Variants in KCTD16 observed in about 807,000 individuals in gnomAD.
KCTD16 encodes potassium channel tetramerization domain containing 16.
A neutral mutation model predicts 33.2 loss-of-function variants in KCTD16; 13 were observed. That is an observed-to-expected ratio of 0.39 (90% CI 0.25 to 0.62). KCTD16 has a LOEUF of 0.62. KCTD16 is among the 20% of genes least tolerant of loss of function. KCTD16 has a pLI of 0.50. For synonymous variants in KCTD16, 197 were observed against 195.3 expected (o/e 1.01, Z -0.07); for missense variants, 441 against 525.1 (o/e 0.84, Z 1.57).
At chr5:144,292,569 G>A (rs1379548282) in intron 3 of KCTD16, among the ~76,000 whole-genome samples, 1 of 152,106 alleles carries the variant, frequency 6.6e-6, no homozygotes, top group Non-Finnish European at 1.5e-5. Flanking sequence ...TGTTCAATAT[G>A]GATTACACCA....
At chr5:144,439,601 A>G (rs1004358828) in intron 3 of KCTD16, 1 of 196,110 alleles carries the variant, frequency 5.1e-6, no homozygotes, top group African/African-American at 2.4e-5. Context: ...GATGTTCAAC[A>G]CGCTTTTTGA....
At chr5:144,175,985 T>G (rs915579242) in intron 2 of KCTD16, among the ~76,000 whole-genome samples, 1 of 152,210 alleles carries the variant, frequency 6.6e-6, no homozygotes, top group Non-Finnish European at 1.5e-5. Flanking sequence ...CTGTATTATA[T>G]TATAATTTGC....
intron 3 of KCTD16, among the ~76,000 whole-genome samples, chr5:144,375,098 G>A (rs1382171468): frequency 6.6e-6 from 1 of 152,200 alleles, no homozygotes; most frequent in African/African-American, 2.4e-5. Flanking sequence ...AACGAGCCAT[G>A]GTCTGCATAG....
At chr5:144,249,034 G>C (rs906901946) in intron 3 of KCTD16, among the ~76,000 whole-genome samples, 1 of 152,054 alleles carries the variant, frequency 6.6e-6, no homozygotes, top group African/African-American at 2.4e-5. Flanking sequence ...GCTATCCAAT[G>C]GCTTCCCTCT....
chr5:144,392,280 G>C (rs1482566750), intron 3 of KCTD16, among the ~76,000 whole-genome samples: 1 of 152,286 alleles, frequency 6.6e-6, no homozygotes, highest in Non-Finnish European at 1.5e-5. Flanking sequence ...GGCCAATGTG[G>C]CTATGAGTGA....
chr5:144,219,678 G>A (rs533250483), intron 3 of KCTD16, among the ~76,000 whole-genome samples: 1 of 151,846 alleles, frequency 6.6e-6, no homozygotes, highest in Non-Finnish European at 1.5e-5. Flanking sequence ...CCAACACTGC[G>A]CCTGGCTAAT....
intron 3 of KCTD16, among the ~76,000 whole-genome samples, chr5:144,300,376 C>T (rs908583155): frequency 2.0e-4 from 30 of 152,276 alleles, no homozygotes; most frequent in Non-Finnish European, 3.2e-4. Flanking sequence ...TGCAATCTGT[C>T]CTGAATGCTG....
chr5:144,366,263 C>G (rs1751830189), intron 3 of KCTD16, among the ~76,000 whole-genome samples: 1 of 152,076 alleles, frequency 6.6e-6, no homozygotes, highest in African/African-American at 2.4e-5. Flanking sequence ...AAAGATATGC[C>G]TGCTAGAAAT....
intron 3 of KCTD16, among the ~76,000 whole-genome samples, chr5:144,356,639 T>G (rs1751578295): frequency 6.6e-6 from 1 of 152,176 alleles, no homozygotes; most frequent in African/African-American, 2.4e-5. Flanking sequence ...CTAATGGTGA[T>G]TCATTTAGCT....
chr5:144,412,593 T>G (rs1752956587), intron 3 of KCTD16, among the ~76,000 whole-genome samples: 2 of 152,028 alleles, frequency 1.3e-5, no homozygotes, highest in Non-Finnish European at 2.9e-5. Flanking sequence ...AGAAGATCGA[T>G]CTAATGTTTC....
intron 3 of KCTD16, among the ~76,000 whole-genome samples, chr5:144,321,608 T>C (rs977051135): frequency 6.6e-6 from 1 of 152,228 alleles, no homozygotes; most frequent in African/African-American, 2.4e-5. Flanking sequence ...TGTGTAGTTA[T>C]GTAACTTAAT....
In KCTD16 at chr5:144,477,366, G is replaced by A. The variant is rs1754617374; in HGVS notation, c.*3252G>A. 6.6e-6 allele frequency: 1 copy of A among 152,094 alleles called. No homozygotes were observed. Among genetic ancestry groups the A allele is most frequent in the African/African-American group, 2.4e-5 (1 of 41,420 alleles). The allele number at this position is 152,094 out of a possible 1,614,324, so 9.4% of individuals were successfully genotyped here. ...TGCATGGTGAATTAAAATAAAAGGGGGAACAATGCACAAATAATAAGCGTT... is the reference window on the plus strand; with the variant it reads ...TGCATGGTGAATTAAAATAAAAGGGAGAACAATGCACAAATAATAAGCGTT... On this transcript the variant is annotated 3_prime_UTR_variant, in exon 4 of 4. Transcript: ENST00000512467.
intron 2 of KCTD16, among the ~76,000 whole-genome samples, chr5:144,204,560 G>A (rs1753117126): frequency 6.6e-6 from 1 of 152,164 alleles, no homozygotes; most frequent in African/African-American, 2.4e-5. Context: ...CTCTTGGGAT[G>A]ACTTGGGAGG....
intron 3 of KCTD16, among the ~76,000 whole-genome samples, chr5:144,327,215 A>C (rs1039839245): frequency 6.6e-6 from 1 of 152,254 alleles, no homozygotes; most frequent in African/African-American, 2.4e-5. Context: ...CTAAGAACCT[A>C]TGTTCTAGTG....
intron 3 of KCTD16, among the ~76,000 whole-genome samples, chr5:144,351,070 A>G (rs1751416202): frequency 6.6e-6 from 1 of 152,236 alleles, no homozygotes; most frequent in Admixed American, 6.5e-5. Flanking sequence ...AGTTGTATGT[A>G]TGTATCTGGT....
At chr5:144,349,002 T>G (rs1466814069) in intron 3 of KCTD16, among the ~76,000 whole-genome samples, 1 of 152,100 alleles carries the variant, frequency 6.6e-6, no homozygotes, top group East Asian at 1.9e-4. Flanking sequence ...GCTTCTCAGT[T>G]TTTTGCTTTC....
At chr5:144,228,528 A>G (rs1754001549) in intron 3 of KCTD16, among the ~76,000 whole-genome samples, 1 of 152,218 alleles carries the variant, frequency 6.6e-6, no homozygotes, top group African/African-American at 2.4e-5. Context: ...GTGAGTACAG[A>G]CAGAACTTTC....
intron 2 of KCTD16, among the ~76,000 whole-genome samples, chr5:144,177,124 G>C (rs1752526118): frequency 6.6e-6 from 1 of 151,846 alleles, no homozygotes; most frequent in Non-Finnish European, 1.5e-5. Flanking sequence ...TGTTGAGAAG[G>C]GTATTTTCTG....
chr5:144,274,906 C>T lies in KCTD16; in HGVS notation c.832+67360C>T, dbSNP rs570111453. ...GAAGTTTTAGCAAAGTCCAACAAAG[C>T]CACAGTGCTTTTTAGAGCCAGCTCC... On this transcript the variant is annotated intron_variant, in intron 3 of 3. Coordinates refer to ENST00000512467, the MANE Select transcript of KCTD16 (RefSeq NM_020768.4). 8.5e-5 allele frequency among the ~76,000 whole-genome samples: 13 copies of T among 152,290 alleles called. No individual in the cohort carries two copies. The South Asian group carries it at 2.5e-3, about 29-fold the overall frequency.
Sources: gnomAD v4.1 joint callset for allele counts (sites outside exome capture counted in the v4.1 genomes callset) on GRCh38, gnomAD v4.1.1 for gene constraint, MANE v1.5 for transcripts, NCBI Gene and HGNC (gene_info 2026-07-23, HGNC 2026-07-21) for gene names.